Variants in CCDC171 observed in about 807,000 individuals in gnomAD.
CCDC171 encodes the protein coiled-coil domain containing 171.
In CCDC171, 177 loss-of-function variants were observed where a neutral mutation model predicts 168.2. The ratio of observed to expected loss-of-function variants is 1.05; its 90% CI spans 0.93 to 1.19. CCDC171 has a LOEUF of 1.19. Ranked by LOEUF, CCDC171 falls within the 50% of genes most tolerant of loss-of-function variation. The pLI, the probability that CCDC171 is intolerant of heterozygous loss-of-function variation, is 0.00. For missense variants in CCDC171, 1,991 were observed against 1,539.0 expected (o/e 1.29, Z -4.91); for synonymous variants, 687 against 540.8 (o/e 1.27, Z -3.75).
chr9:15,819,802 A>G lies in CCDC171; in HGVS notation c.3268-26900A>G, dbSNP rs1451367646. Among the ~76,000 whole-genome samples, 4 of 116,842 alleles carry G rather than the reference A, an allele frequency of 3.4e-5. 2 individuals carry two copies. Among genetic ancestry groups the G allele is most frequent in the Non-Finnish European group, 7.7e-5 (4 of 52,216 alleles). 76.7% of individuals were successfully genotyped at this position (116,842 alleles called of 152,430 possible). ...TCAACGAGACAGAAAGTTAACAAGG[A>G]TATCCAGGAATTGAACTCAGCTCTG... On this transcript the variant is annotated intron_variant, in intron 21 of 25. Transcript: ENST00000380701.
chr9:15,940,484 C>A (rs1288954343), intron 25 of CCDC171, among the ~76,000 whole-genome samples: 1 of 151,846 alleles, frequency 6.6e-6, no homozygotes, highest in Non-Finnish European at 1.5e-5. Flanking sequence ...AGGGTTCGGT[C>A]CCTTTGCACA....
In CCDC171 at chr9:15,973,242, T is replaced by C. The variant is rs1196838523; in HGVS notation, c.*1406T>C. On this transcript the variant is annotated 3_prime_UTR_variant, in exon 26 of 26. Transcript: ENST00000380701. ...AAAGAGTCTTGATACATAATCTATT[T>C]TTTATATTATTTTTCATTATGGAAT... The C allele has an allele frequency of 6.6e-6, 1 of 152,204 alleles. No individual in the cohort carries two copies. Among genetic ancestry groups the C allele is most frequent in the Non-Finnish European group, 1.5e-5 (1 of 68,030 alleles). The allele number at this position is 152,204 out of a possible 1,614,324, so 9.4% of individuals were successfully genotyped here.
chr9:15,629,831 G>C (rs531653376), intron 7 of CCDC171, among the ~76,000 whole-genome samples: 7 of 152,090 alleles, frequency 4.6e-5, no homozygotes, highest in South Asian at 2.1e-4. Flanking sequence ...TGGATCTCTC[G>C]GCAGAAACTC....
intron 25 of CCDC171, among the ~76,000 whole-genome samples, chr9:15,930,747 A>G (rs114181241): frequency 1.3e-4 from 19 of 151,872 alleles, no homozygotes; most frequent in African/African-American, 4.6e-4. Flanking sequence ...CTCACACTAT[A>G]TACAGAAATT....
At chr9:15,768,088 G>T (rs1305496430) in intron 18 of CCDC171, among the ~76,000 whole-genome samples, 3 of 149,404 alleles carry the variant, frequency 2.0e-5, no homozygotes, top group Non-Finnish European at 3.0e-5. Context: ...GTATAGCCAG[G>T]GCTTTATTTA....
chr9:15,781,307 C>G (rs1272653809), intron 20 of CCDC171, among the ~76,000 whole-genome samples: 3 of 152,096 alleles, frequency 2.0e-5, no homozygotes, highest in Non-Finnish European at 4.4e-5. Flanking sequence ...TGACAGAATC[C>G]TCTTGTAAGA....
intron 8 of CCDC171, among the ~76,000 whole-genome samples, chr9:15,657,903 T>G (rs1256967393): frequency 6.6e-6 from 1 of 152,124 alleles, no homozygotes; most frequent in African/African-American, 2.4e-5. Context: ...GGCATTTTAT[T>G]AGGGGTTGGC....
chr9:15,656,999 C>G, intron 7 of CCDC171, 128 bp from the exon 8 acceptor site: 1 of 463,092 alleles, frequency 2.2e-6, no homozygotes, highest in Non-Finnish European at 3.8e-6. Context: ...TCCATTCTTG[C>G]AAAGAAAAAA....
chr9:15,717,430 C>T (rs1236439215), intron 11 of CCDC171, among the ~76,000 whole-genome samples: 4 of 152,160 alleles, frequency 2.6e-5, no homozygotes, highest in Non-Finnish European at 5.9e-5. Flanking sequence ...AACTCCTAGG[C>T]AAGTCCTAGT....
rs573568602 is a variant in CCDC171 at position 15,821,300 on chromosome 9, C to T, written c.3268-25402C>T. 1.0e-3 allele frequency among the ~76,000 whole-genome samples: 120 copies of T among 117,114 alleles called. 36 individuals are homozygous for T. Among genetic ancestry groups the T allele is most frequent in the African/African-American group, 3.6e-3 (113 of 31,122 alleles). The allele number at this position is 117,114 out of a possible 152,430, so 76.8% of individuals were successfully genotyped here. ...ACAAGACAGGGATGCCCTCTCTCAC[C>T]ACTCCTATTCAACATAGTGTTGGAA... On this transcript the variant is annotated intron_variant, in intron 21 of 25. Transcript: ENST00000380701.
downstream of CCDC171, chr9:15,974,103 C>T (rs753640879): frequency 8.6e-5 from 13 of 151,836 alleles, no homozygotes; most frequent in Non-Finnish European, 1.5e-4. Flanking sequence ...ATTCAAAATT[C>T]GTAAATTATG....
chr9:15,714,479 C>G (rs1333004728), intron 11 of CCDC171, among the ~76,000 whole-genome samples: 1 of 152,202 alleles, frequency 6.6e-6, no homozygotes, highest in Admixed American at 6.5e-5. Flanking sequence ...TACCTGACCT[C>G]TGTAAGCTCC....
At chr9:15,832,020 G>GTTTTT (rs2060254801) in intron 21 of CCDC171, among the ~76,000 whole-genome samples, 1 of 151,758 alleles carries the variant, frequency 6.6e-6, no homozygotes, top group Non-Finnish European at 1.5e-5. Context: ...TTGTTTGTTT[G>GTTTTT]TTTGTTTTGG....
intron 3 of CCDC171, among the ~76,000 whole-genome samples, chr9:16,002,884 A>G (rs1303963692): frequency 6.6e-6 from 1 of 152,234 alleles, no homozygotes; most frequent in Non-Finnish European, 1.5e-5. Context: ...TCAGTACAGT[A>G]ACATGCTGTA....
At chr9:15,931,320 T>G (rs566377790) in intron 25 of CCDC171, among the ~76,000 whole-genome samples, 1 of 151,892 alleles carries the variant, frequency 6.6e-6, no homozygotes, top group South Asian at 2.1e-4. Context: ...GGTTTTGATT[T>G]GCATTTCCCT....
chr9:16,074,761 AG>A, the CCDC171 span, among the ~76,000 whole-genome samples: 1 of 152,232 alleles, frequency 6.6e-6, no homozygotes, highest in Non-Finnish European at 1.5e-5. Context: ...GCATATAGGA[AG>A]AATAAAAATA....
In CCDC171 at chr9:15,973,435, G is replaced by A. The variant is rs1415495080; in HGVS notation, c.*1599G>A. ...ATTTATTAGTAGCCAAATTAGCCAA[G>A]TGATTTATGCCATCTGAGGGAACAC... On this transcript the variant is annotated 3_prime_UTR_variant, in exon 26 of 26. Transcript: ENST00000380701. 1 of 152,044 alleles carries A rather than the reference G, an allele frequency of 6.6e-6. No homozygotes were observed. The highest frequency in any genetic ancestry group is 1.5e-5 in the Non-Finnish European group (1 of 68,014). 9.4% of individuals were successfully genotyped at this position (152,044 alleles called of 1,614,324 possible).
the CCDC171 span, among the ~76,000 whole-genome samples, chr9:16,068,782 G>C: frequency 4.7e-3 from 717 of 152,266 alleles, 4 homozygotes; most frequent in African/African-American, 0.016. Context: ...AGGATACGAT[G>C]TATTCTGGTT....
At chr9:15,596,301 C>T (rs2042350482) in intron 6 of CCDC171, among the ~76,000 whole-genome samples, 3 of 151,754 alleles carry the variant, frequency 2.0e-5, no homozygotes, top group Non-Finnish European at 4.4e-5. Context: ...GTCTTTAATC[C>T]ATCTTGAATT....
Sources: gnomAD v4.1 joint callset for allele counts (sites outside exome capture counted in the v4.1 genomes callset) on GRCh38, gnomAD v4.1.1 for gene constraint, MANE v1.5 for transcripts, NCBI Gene and HGNC (gene_info 2026-07-23, HGNC 2026-07-21) for gene names.